The following SUSD2 variants were observed in gnomAD, a reference collection of about 807,000 sequenced individuals.
The protein encoded by SUSD2 is sushi domain-containing protein 2.
SUSD2 carries 86 observed loss-of-function variants against 93.8 expected under a neutral mutation model. That is an observed-to-expected ratio of 0.92 (90% CI 0.77 to 1.10). The LOEUF (loss-of-function observed/expected upper bound fraction) is 1.10, where lower values mean the gene tolerates loss of function less well. Ranked by LOEUF, SUSD2 falls within the 50% of genes least tolerant of loss-of-function variation. The probability of loss-of-function intolerance (pLI) is 0.00; values close to 1 mark genes in which losing one functional copy is unlikely to be tolerated. For missense variants in SUSD2, 1,060 were observed against 1,137.0 expected (o/e 0.93, Z 0.97); for synonymous variants, 483 against 485.0 (o/e 1.00, Z 0.05).
chr22:24,183,470 C>A (rs774023187), intron 2 of SUSD2, 25 bp from the exon 3 acceptor site: 3 of 1,600,940 alleles, frequency 1.9e-6, no homozygotes, highest in Non-Finnish European at 2.6e-6. Context: ...TGACCCAGCC[C>A]CTCCCACCAC....
chr22:24,183,393 G>A (rs1601338726), intron 2 of SUSD2, 102 bp from the exon 3 acceptor site: 9 of 1,539,578 alleles, frequency 5.8e-6, no homozygotes, highest in South Asian at 2.4e-5. Context: ...AGGGCACAGG[G>A]ACAGCTGGCT....
In SUSD2 at chr22:24,186,295, G is replaced by T. The variant is rs759423962; in HGVS notation, c.1522G>T (p.Val508Phe). The T allele has an allele frequency of 9.3e-6, 15 of 1,613,846 alleles. No homozygotes were observed. Among genetic ancestry groups the T allele is most frequent in the Non-Finnish European group, 1.2e-5 (14 of 1,180,026 alleles). ...TRGTGLTAVA[V>F]QEGNSDVVEV... ...TGGCACTGGGCTGACCGCAGTGGCC[G>T]TCCAGGAGGGCAACTCAGATGTGGT... Residue 508 changes from valine (V) to phenylalanine (F), a missense_variant, in exon 10 of 15, where the codon GTC (valine) becomes TTC (phenylalanine). Physicochemically the swap from Val to Phe is conservative, Grantham distance 50. This residue lies in a region of SUSD2 where 973 missense variants were observed against 1,005.3 expected (regional missense o/e 0.97). Coordinates refer to ENST00000358321, the MANE Select transcript of SUSD2 (RefSeq NM_019601.4).
Position 24,183,251 on chromosome 22 carries a change from G to T in SUSD2, c.271G>T (p.Ala91Ser), listed in dbSNP as rs399140. 1.2e-3 allele frequency: 1,808 copies of T among 1,467,264 alleles called. 18 individuals are homozygous for T. The African/African-American group carries it at 0.023, about 19-fold the overall frequency. 90.9% of individuals were successfully genotyped at this position (1,467,264 alleles called of 1,614,324 possible). Residue 91 changes from alanine to serine, a missense_variant, in exon 2 of 15, where the codon GCC becomes TCC. Ala to Ser is a moderately conservative substitution (Grantham distance 99). Transcript: ENST00000358321. ...RHFKMSSPTD[A>S]SVICRFKDSI... ...CTTCAAGATGTCCAGCCCCACAGAC[G>T]CCAGTGTGATCTGCAGGTTGGGAGG...
At position 24,188,020 on chromosome 22, in the gene SUSD2, G is replaced by C; in HGVS notation, c.2226G>C (p.Leu742=). The C allele has an allele frequency of 6.2e-7, 1 of 1,613,092 alleles. No homozygotes were observed. The highest frequency in any genetic ancestry group is 8.5e-7 in the Non-Finnish European group (1 of 1,180,012). The change falls in exon 13 of 15, where the codon CTG becomes CTC. Residue 742 remains leucine (L), a synonymous_variant. Coordinates refer to ENST00000358321, the MANE Select transcript of SUSD2 (RefSeq NM_019601.4). This position sits in a 1 kb window ranked among gnomAD's most constrained non-coding sequence, Gnocchi z 4.7. Reference sequence around the variant, plus strand: ...GACAAAAGGAGGGCAACAGGTACCTGGCGGGTTCCACCATCTACTTCCACT... The same window carrying C: ...GACAAAAGGAGGGCAACAGGTACCTCGCGGGTTCCACCATCTACTTCCACT... ...PNGQKEGNRY[L]AGSTIYFHCD...
In SUSD2 at chr22:24,185,716, C is replaced by T. The variant is rs1601340866; in HGVS notation, c.1126C>T (p.Leu376=). ...CTACACAGCGGACGGGACGCAGCTC[C>T]TGACAGCTGACTCCAGCGGCGGCAG... The part of the protein sequence containing the change: ...CCYTADGTQL[L]TADSSGGSTP... Residue 376 remains leucine (L), a synonymous_variant, in exon 8 of 15, where the codon CTG becomes TTG. Coordinates refer to ENST00000358321, the MANE Select transcript of SUSD2 (RefSeq NM_019601.4). The T allele has an allele frequency of 6.2e-7, 1 of 1,611,006 alleles. No homozygotes were observed. The highest frequency in any genetic ancestry group is 8.5e-7 in the Non-Finnish European group (1 of 1,179,456).
Position 24,184,817 on chromosome 22 carries a change from T to G in SUSD2, c.659T>G (p.Leu220Arg), listed in dbSNP as rs751358785. 2 of 1,613,210 alleles carry G rather than the reference T, an allele frequency of 1.2e-6. No homozygotes were observed. Among genetic ancestry groups the G allele is most frequent in the Admixed American group, 3.3e-5 (2 of 59,730 alleles). The change falls in exon 5 of 15, where the codon CTG becomes CGG. Residue 220 changes from leucine (L) to arginine (R), a missense_variant. Physicochemically the swap from Leu to Arg is moderately radical, Grantham distance 102. Around this residue, in one of 2 missense-constraint regions of SUSD2, gnomAD observed 973 missense variants for 1,005.3 expected, o/e 0.97. Coordinates refer to ENST00000358321, the MANE Select transcript of SUSD2 (RefSeq NM_019601.4). ...WTAKWSYLYP[L>R]ATHIPNSGSF... is the part of the protein sequence containing the mutation. ...GCAAAGTGGTCGTACCTGTACCCCCTGGCCACACACATCCCCAACTCCGGC... is the reference window on the plus strand; with the variant it reads ...GCAAAGTGGTCGTACCTGTACCCCCGGGCCACACACATCCCCAACTCCGGC...
intron 3 of SUSD2, 178 bp from the exon 4 acceptor site, chr22:24,183,958 G>A (rs2047343290): frequency 2.9e-6 from 2 of 688,526 alleles, no homozygotes; most frequent in East Asian, 5.4e-5. Flanking sequence ...GTGGAGGGAG[G>A]GCAGGCCCCT....
In SUSD2 at chr22:24,185,818, C is replaced by A; in HGVS notation, c.1228C>A (p.Leu410Ile). ...CCGAGTGCCCAGCATGTCCCACTGGCTCTACGATGTCCTCAGCTTCTATTA... is the reference window on the plus strand; with the variant it reads ...CCGAGTGCCCAGCATGTCCCACTGGATCTACGATGTCCTCAGCTTCTATTA... ...PPRVPSMSHW[L>I]YDVLSFYYCC... The change falls in exon 8 of 15, where the codon CTC becomes ATC. Residue 410 changes from leucine (L) to isoleucine (I), a missense_variant. Around this residue, in one of 2 missense-constraint regions of SUSD2, gnomAD observed 973 missense variants for 1,005.3 expected, o/e 0.97. Transcript: ENST00000358321. The A allele has an allele frequency of 6.2e-7, 1 of 1,610,362 alleles. No individual in the cohort carries two copies. The highest frequency in any genetic ancestry group is 8.5e-7 in the Non-Finnish European group (1 of 1,178,698).
In SUSD2 at chr22:24,184,171, G is replaced by A. The variant is rs1295400240; in HGVS notation, c.475G>A (p.Glu159Lys). ...PNKVSMMEKSELVNETRWQYY... is the reference protein window; with the variant it reads ...PNKVSMMEKSKLVNETRWQYY... ...CAAAGTGTCAATGATGGAGAAGAGCGAGTTGGTGAACGAGACGCGTTGGCA... is the reference window on the plus strand; with the variant it reads ...CAAAGTGTCAATGATGGAGAAGAGCAAGTTGGTGAACGAGACGCGTTGGCA... Residue 159 changes from glutamate (E) to lysine (K), a missense_variant, in exon 4 of 15, where the codon GAG (glutamate) becomes AAG (lysine). Physicochemically the swap from Glu to Lys is moderately conservative, Grantham distance 56. Coordinates refer to ENST00000358321, the MANE Select transcript of SUSD2 (RefSeq NM_019601.4). 10 of 1,612,696 alleles carry A rather than the reference G, an allele frequency of 6.2e-6. No homozygotes were observed. In the Admixed American group the frequency reaches 6.7e-5, roughly 11 times the overall value.
In SUSD2 at chr22:24,187,349, G is replaced by C. The variant is rs1347207105; in HGVS notation, c.1790G>C (p.Gly597Ala). 6.2e-7 allele frequency: 1 copy of C among 1,614,038 alleles called. No homozygotes were observed. The highest frequency in any genetic ancestry group is 8.5e-7 in the Non-Finnish European group (1 of 1,180,008). Residue 597 changes from glycine (G) to alanine (A), a missense_variant, in exon 11 of 15, where the codon GGG becomes GCG. Transcript: ENST00000358321. ...KFLTHTHGLL[G>A]TLNNDPTDDF... ...CTCACCCACACCCACGGCCTCCTCG[G>C]GACACTCAACAACGACCCCACCGAC... is the stretch of plus-strand genomic sequence containing the variant.
chr22:24,186,776 C>T (rs566287594), intron 10 of SUSD2: 3 of 399,924 alleles, frequency 7.5e-6, no homozygotes, highest in Non-Finnish European at 1.4e-5. Context: ...GTTAAGGATG[C>T]CCCTGGCAAG....
At position 24,188,238 on chromosome 22, in the gene SUSD2, G is replaced by A. The variant is rs778636527; in HGVS notation, c.2355G>A (p.Ala785=). The part of the protein sequence containing the change: ...TPKCQPGRSY[A]VLLGIIFGGL... ...CTCCCTCACCAGGACGCAGCTACGC[G>A]GTGCTGTTGGGCATCATCTTTGGGG... Residue 785 remains alanine, a synonymous_variant, in exon 14 of 15, where the codon GCG becomes GCA. Transcript: ENST00000358321. The surrounding 1 kb of genome is among the most constrained non-coding windows in gnomAD (Gnocchi z 4.7). 1.1e-5 allele frequency: 18 copies of A among 1,599,664 alleles called. No homozygotes were observed. Among genetic ancestry groups the A allele is most frequent in the East Asian group, 4.5e-5 (2 of 44,682 alleles).
chr22:24,184,816 C>T lies in SUSD2; in HGVS notation c.658C>T (p.Leu220=), dbSNP rs764004705. 3.1e-6 allele frequency: 5 copies of T among 1,613,346 alleles called. No individual in the cohort carries two copies. The highest frequency in any genetic ancestry group is 2.2e-5 in the South Asian group (2 of 90,998). The change falls in exon 5 of 15, where the codon CTG becomes TTG. Residue 220 remains leucine (L), a synonymous_variant. Transcript: ENST00000358321. ...TGCAAAGTGGTCGTACCTGTACCCC[C>T]TGGCCACACACATCCCCAACTCCGG... ...WTAKWSYLYP[L]ATHIPNSGSF... is the part of the protein sequence containing the mutation.
Position 24,187,690 on chromosome 22 carries a change from C to T in SUSD2, c.2011C>T (p.Leu671Phe). ...FEPLFPSETT[L>F]NPSLAQEAAK... is the part of the protein sequence containing the mutation. ...GCCCCTCTTCCCCAGTGAGACCACC[C>T]TCAACCCCAGCCTGGCACAAGAGGC... Residue 671 changes from leucine (L) to phenylalanine (F), a missense_variant, in exon 12 of 15, where the codon CTC (leucine) becomes TTC (phenylalanine). Physicochemically the swap from Leu to Phe is conservative, Grantham distance 22. Coordinates refer to ENST00000358321, the MANE Select transcript of SUSD2 (RefSeq NM_019601.4). The T allele has an allele frequency of 1.2e-6, 2 of 1,614,154 alleles. No individual in the cohort carries two copies. The highest frequency in any genetic ancestry group is 1.7e-6 in the Non-Finnish European group (2 of 1,180,038).
rs1430207753 is a variant in SUSD2 at position 24,185,797 on chromosome 22, G to A, written c.1207G>A (p.Val403Met). The A allele has an allele frequency of 1.6e-5, 26 of 1,610,594 alleles. No individual in the cohort carries two copies. Among genetic ancestry groups the A allele is most frequent in the Non-Finnish European group, 2.0e-5 (23 of 1,178,954 alleles). ...ACCCCCGTTCCGCACGCCACCCCGA[G>A]TGCCCAGCATGTCCCACTGGCTCTA... ...GAPPFRTPPRVPSMSHWLYDV... is the reference protein window; with the variant it reads ...GAPPFRTPPRMPSMSHWLYDV... The change falls in exon 8 of 15, where the codon GTG becomes ATG. Residue 403 changes from valine (V) to methionine (M), a missense_variant. Val to Met is a conservative substitution (Grantham distance 21). Coordinates refer to ENST00000358321, the MANE Select transcript of SUSD2 (RefSeq NM_019601.4).
intron 10 of SUSD2, 191 bp downstream of exon 10, chr22:24,186,606 C>T (rs890928186): frequency 1.2e-5 from 8 of 657,752 alleles, no homozygotes; most frequent in South Asian, 5.8e-5. Flanking sequence ...GCCGAGAGGC[C>T]GTGACGGTGG....
chr22:24,182,875 C>T lies in SUSD2; in HGVS notation c.77-182C>T, dbSNP rs1399533824. The T allele has an allele frequency of 5.0e-6, 3 of 602,286 alleles. No homozygotes were observed. The East Asian group carries it at 8.3e-5, about 17-fold the overall frequency. The allele number at this position is 602,286 out of a possible 1,614,324, so 37.3% of individuals were successfully genotyped here. On this transcript the variant is annotated intron_variant, in intron 1 of 14. Transcript: ENST00000358321. ...CAGATGGTCTGTGCTAAGATTCATC[C>T]CATCCCCACGGGCCCTGTGGCTTTC...
intron 10 of SUSD2, 145 bp downstream of exon 10, chr22:24,186,560 C>A: frequency 1.0e-6 from 1 of 965,364 alleles, no homozygotes; most frequent in Non-Finnish European, 1.5e-6. Flanking sequence ...CCTTCACACC[C>A]ACCGAGGTGC....
Position 24,186,253 on chromosome 22 carries a change from G to A in SUSD2, c.1484-4G>A, listed in dbSNP as rs370753596. The A allele has an allele frequency of 4.8e-5, 77 of 1,612,954 alleles. No homozygotes were observed. The highest frequency in any genetic ancestry group is 3.3e-4 in the Middle Eastern group (2 of 6,058). On this transcript the variant is annotated splice_region_variant and splice_polypyrimidine_tract_variant and intron_variant, in intron 9 of 14. Coordinates refer to ENST00000358321, the MANE Select transcript of SUSD2 (RefSeq NM_019601.4). ...TGGCTCCCGTTCTGCTCCCACCACC[G>A]CAGGCACGGAGACCCGTGGCACTGG...
Sources: allele counts gnomAD v4.1 joint callset, GRCh38; gene constraint gnomAD v4.1.1; regional missense constraint gnomAD v4.1.1; non-coding constraint Gnocchi (gnomAD v3.1); transcripts MANE v1.5; gene names NCBI Gene and HGNC (gene_info 2026-07-23, HGNC 2026-07-21).